FAM177B: variants seen among roughly 807,000 people sequenced by gnomAD.
FAM177B encodes family with sequence similarity 177 member B.
In FAM177B, 16 loss-of-function variants were observed where a neutral mutation model predicts 16.1. The observed-to-expected ratio is 0.99, with a 90% CI of 0.67 to 1.51. FAM177B has a LOEUF of 1.51. Among genes scored for constraint, FAM177B ranks in the 40% most tolerant of loss-of-function variants. FAM177B has a pLI of 0.00. For missense variants in FAM177B, 178 were observed against 183.7 expected (o/e 0.97, Z 0.18); for synonymous variants, 56 against 59.9 (o/e 0.93, Z 0.30).
intron 2 of FAM177B, among the ~76,000 whole-genome samples, chr1:222,741,745 C>CT (rs1032397701): frequency 6.8e-6 from 1 of 147,566 alleles, no homozygotes; most frequent in African/African-American, 2.5e-5. Context: ...CCCTCCCTCC[C>CT]TCCTTTCTTT....
intron 2 of FAM177B, among the ~76,000 whole-genome samples, chr1:222,745,215 A>C (rs1658738495): frequency 6.6e-6 from 1 of 152,232 alleles, no homozygotes; most frequent in African/African-American, 2.4e-5. Flanking sequence ...GAGTGTTCAC[A>C]AATAAAACTG....
chr1:222,748,963 C>A, intron 4 of FAM177B: 1 of 469,630 alleles, frequency 2.1e-6, no homozygotes, highest in Non-Finnish European at 4.4e-6. Context: ...AATCCCAGTG[C>A]TGAGCCTGCA....
intron 2 of FAM177B, among the ~76,000 whole-genome samples, chr1:222,744,050 G>A (rs1253406207): frequency 6.6e-6 from 1 of 151,878 alleles, no homozygotes; most frequent in African/African-American, 2.4e-5. Context: ...CTTCCTTAGT[G>A]TACTTATGAT....
chr1:222,740,893 G>T (rs1319104904), intron 2 of FAM177B, among the ~76,000 whole-genome samples: 3 of 151,944 alleles, frequency 2.0e-5, no homozygotes, highest in Non-Finnish European at 1.5e-5. Context: ...TAGGGACGGG[G>T]TTTCACCGTG....
rs556747893 is a variant in FAM177B, at chr1:222,750,938, G to C, written c.*880G>C. 2 of 152,050 alleles carry C rather than the reference G, an allele frequency of 1.3e-5. No homozygotes were observed. The highest frequency in any genetic ancestry group is 2.9e-5 in the Non-Finnish European group (2 of 68,016). 9.4% of individuals were successfully genotyped at this position (152,050 alleles called of 1,614,324 possible). ...GCTCCAGTCTACTTTGTAAAATATG[G>C]GTGACTTGACTTTGCTTGTTATTGT... On this transcript the variant is annotated 3_prime_UTR_variant, in exon 6 of 6. Coordinates refer to ENST00000445590, the MANE Select transcript of FAM177B (RefSeq NM_001394345.1).
chr1:222,750,440 T>TCTATTC lies in FAM177B; in HGVS notation c.*385_*390dup. 1.0e-6 allele frequency: 1 copy of TCTATTC among 1,000,770 alleles called. No homozygotes were observed. The highest frequency in any genetic ancestry group is 1.7e-5 in the African/African-American group (1 of 57,818). The allele number at this position is 1,000,770 out of a possible 1,614,324, so 62.0% of individuals were successfully genotyped here. On this transcript the variant is annotated 3_prime_UTR_variant, in exon 6 of 6. Coordinates refer to ENST00000445590, the MANE Select transcript of FAM177B (RefSeq NM_001394345.1). ...TGGGACGAGGGTACAGTAAAGAAGC[T>TCTATTC]CTATTCCTCAGAAGAAAATTTGGGC...
chr1:222,745,108 TA>T (rs1038408041), intron 2 of FAM177B, among the ~76,000 whole-genome samples: 26 of 152,240 alleles, frequency 1.7e-4, no homozygotes, highest in African/African-American at 6.3e-4. Context: ...ATTCATTGTT[TA>T]TTACTTTTAA....
intron 4 of FAM177B, among the ~76,000 whole-genome samples, chr1:222,748,007 A>G (rs1419163492): frequency 1.3e-5 from 2 of 152,232 alleles, no homozygotes; most frequent in Admixed American, 1.3e-4. Context: ...TAAGAGAGCT[A>G]TGAAAGTGTG....
chr1:222,739,619 A>G (rs1399080963), intron 2 of FAM177B: 1 of 152,232 alleles, frequency 6.6e-6, no homozygotes, highest in Admixed American at 6.5e-5. Flanking sequence ...ATGTATAAAT[A>G]TAGACCTTCC....
chr1:222,748,553 T>C (rs1482716882), intron 4 of FAM177B, among the ~76,000 whole-genome samples: 2 of 152,166 alleles, frequency 1.3e-5, no homozygotes, highest in Non-Finnish European at 2.9e-5. Flanking sequence ...TACACAGAGA[T>C]TTTGTTTGAA....
chr1:222,749,361 C>T, intron 4 of FAM177B, 104 bp from the exon 5 acceptor site: 1 of 633,714 alleles, frequency 1.6e-6, no homozygotes, highest in Non-Finnish European at 2.8e-6. Context: ...AGTAATAGAC[C>T]ACTATTACTA....
intron 3 of FAM177B, 54 bp downstream of exon 3, chr1:222,746,773 C>A: frequency 7.2e-7 from 1 of 1,392,504 alleles, no homozygotes; most frequent in Non-Finnish European, 9.9e-7. Context: ...GGTGAATGAA[C>A]AAGAGATTGA....
chr1:222,738,755 A>G (rs1305695906), intron 2 of FAM177B, among the ~76,000 whole-genome samples: 2 of 152,198 alleles, frequency 1.3e-5, no homozygotes. Flanking sequence ...CAATGTTCCC[A>G]AGGTTTTTGT....
chr1:222,741,371 C>T (rs1394805695), intron 2 of FAM177B, among the ~76,000 whole-genome samples: 3 of 151,944 alleles, frequency 2.0e-5, no homozygotes, highest in African/African-American at 7.3e-5. Context: ...GGACATCTTA[C>T]TTTTTCTTAC....
intron 2 of FAM177B, among the ~76,000 whole-genome samples, chr1:222,739,285 T>G (rs139390783): frequency 6.6e-6 from 1 of 152,116 alleles, no homozygotes; most frequent in Non-Finnish European, 1.5e-5. Flanking sequence ...AGAAAGCCTC[T>G]TGGAAAAAAA....
At position 222,742,223 on chromosome 1, in the gene FAM177B, A is replaced by G. The variant is rs558100516; in HGVS notation, c.-16+4202A>G. 2.6e-5 allele frequency among the ~76,000 whole-genome samples: 4 copies of G among 152,200 alleles called. No individual in the cohort carries two copies. In the South Asian group the frequency reaches 8.3e-4, roughly 32 times the overall value. ...TCTTTTTTTCTCACCCCACACTCCAACATAAATTATACTGTATTGTCTGTT... is the reference window on the plus strand; with the variant it reads ...TCTTTTTTTCTCACCCCACACTCCAGCATAAATTATACTGTATTGTCTGTT... On this transcript the variant is annotated intron_variant, in intron 2 of 5. Transcript: ENST00000445590.
chr1:222,748,945 A>G (rs575879680), intron 4 of FAM177B: 4 of 460,134 alleles, frequency 8.7e-6, no homozygotes, highest in South Asian at 4.8e-5. Flanking sequence ...TTTATCCCTG[A>G]CTCTAACAAT....
At chr1:222,748,156 GT>G (rs1159940145) in intron 4 of FAM177B, among the ~76,000 whole-genome samples, 1 of 152,168 alleles carries the variant, frequency 6.6e-6, no homozygotes, top group Admixed American at 6.5e-5. Flanking sequence ...CAGAGGGTTA[GT>G]GATTTGGAAG....
At position 222,750,268 on chromosome 1, in the gene FAM177B, C is replaced by T. The variant is rs970675195; in HGVS notation, c.*210C>T. ...GCAATAATGAGAGTAATTTTGGACA[C>T]TTTCTCAGAATAATTTCTATATTCA... is the stretch of plus-strand genomic sequence containing the variant. On this transcript the variant is annotated 3_prime_UTR_variant, in exon 6 of 6. Coordinates refer to ENST00000445590, the MANE Select transcript of FAM177B (RefSeq NM_001394345.1). 6 of 1,362,334 alleles carry T rather than the reference C, an allele frequency of 4.4e-6. No individual in the cohort carries two copies. The highest frequency in any genetic ancestry group is 5.6e-6 in the Non-Finnish European group (6 of 1,062,718). The allele number at this position is 1,362,334 out of a possible 1,614,324, so 84.4% of individuals were successfully genotyped here.
Sources: gnomAD v4.1 joint callset for allele counts (sites outside exome capture counted in the v4.1 genomes callset) on GRCh38, gnomAD v4.1.1 for gene constraint, MANE v1.5 for transcripts, NCBI Gene and HGNC (gene_info 2026-07-23, HGNC 2026-07-21) for gene names.